Variants in AP2B1 observed in about 807,000 individuals in gnomAD.
The protein encoded by AP2B1 is AP-2 complex subunit beta.
AP2B1 carries 23 observed loss-of-function variants against 102.0 expected under a neutral mutation model. That is an observed-to-expected ratio of 0.23 (90% CI 0.16 to 0.32). AP2B1 has a LOEUF of 0.32. AP2B1 is among the 10% of genes least tolerant of loss of function. AP2B1 has a pLI of 1.00. For missense variants in AP2B1, 541 were observed against 1,157.4 expected (o/e 0.47, Z 7.73); for synonymous variants, 381 against 421.2 (o/e 0.90, Z 1.17).
chr17:35,632,156 T>C (rs1430123121), intron 9 of AP2B1, among the ~76,000 whole-genome samples: 1 of 151,166 alleles, frequency 6.6e-6, no homozygotes, highest in African/African-American at 2.4e-5. Context: ...GGTGGGGAAA[T>C]GGAGTCTTGA....
At chr17:35,597,126 G>T in intron 2 of AP2B1, 1 of 510,364 alleles carries the variant, frequency 2.0e-6, no homozygotes, top group South Asian at 1.9e-5. Context: ...TCCGGAAGCG[G>T]AGACTGTCCC....
Position 35,624,737 on chromosome 17 carries a change from A to T in AP2B1, c.716+150A>T, listed in dbSNP as rs111831737. On this transcript the variant is annotated intron_variant, in intron 6 of 21. Coordinates refer to ENST00000610402, the MANE Select transcript of AP2B1 (RefSeq NM_001030006.2). Reference sequence around the variant, plus strand: ...GGGTATTTTCTCTCTGGATTTAGGAATATTTTAGGTGGTAGAATAAACTAT... The same window carrying T: ...GGGTATTTTCTCTCTGGATTTAGGATTATTTTAGGTGGTAGAATAAACTAT... The T allele has an allele frequency of 8.3e-3, 5,394 of 652,226 alleles. 41 individuals carry two copies. Among genetic ancestry groups the T allele is most frequent in the Non-Finnish European group, 0.01 (4,168 of 397,330 alleles). 40.4% of individuals were successfully genotyped at this position (652,226 alleles called of 1,614,324 possible). A position where few individuals can be genotyped will look rare whatever the true frequency, so the allele number is the denominator to read the frequency against.
At chr17:35,674,877 G>A (rs3785763) in intron 17 of AP2B1, among the ~76,000 whole-genome samples, 5,076 of 152,288 alleles carry the variant, frequency 0.033, 203 homozygotes, top group East Asian at 0.14. Flanking sequence ...TGGATTCTAG[G>A]ATTAGAACGT....
intron 17 of AP2B1, among the ~76,000 whole-genome samples, chr17:35,679,131 G>A (rs1004075320): frequency 7.2e-5 from 11 of 152,176 alleles, no homozygotes; most frequent in African/African-American, 2.7e-4. Context: ...CTAGCTATTA[G>A]TAGACTTCTA....
At chr17:35,596,896 ACT>A in intron 2 of AP2B1, 2 of 703,488 alleles carry the variant, frequency 2.8e-6, no homozygotes, top group Non-Finnish European at 5.3e-6. Flanking sequence ...GATCCATGTC[ACT>A]CTGCATGAAG....
At chr17:35,722,729 G>C (rs1228021805) in intron 21 of AP2B1, among the ~76,000 whole-genome samples, 1 of 152,076 alleles carries the variant, frequency 6.6e-6, no homozygotes, top group African/African-American at 2.4e-5. Context: ...ATTAACAAGA[G>C]GAATGATGTC....
chr17:35,628,016 A>G (rs1402300884), intron 9 of AP2B1, among the ~76,000 whole-genome samples: 4 of 152,220 alleles, frequency 2.6e-5, no homozygotes, highest in African/African-American at 4.8e-5. Flanking sequence ...CTGCGGATCA[A>G]AAATATTCAG....
chr17:35,675,128 C>A (rs960667017), intron 17 of AP2B1, among the ~76,000 whole-genome samples: 10 of 152,220 alleles, frequency 6.6e-5, no homozygotes, highest in African/African-American at 1.7e-4. Flanking sequence ...GCAATGAATT[C>A]TCTGCCTTAA....
At chr17:35,656,651 T>C (rs1234981482) in intron 13 of AP2B1, among the ~76,000 whole-genome samples, 1 of 151,990 alleles carries the variant, frequency 6.6e-6, no homozygotes, top group African/African-American at 2.4e-5. Context: ...ATCCCAGCAC[T>C]TTGGGAGGCT....
intron 7 of AP2B1, 58 bp from the exon 8 acceptor site, chr17:35,627,327 A>G: frequency 6.4e-7 from 1 of 1,550,664 alleles, no homozygotes; most frequent in Non-Finnish European, 8.7e-7. Flanking sequence ...ATACAGTCTC[A>G]GAAGGGTATA....
chr17:35,657,714 C>T lies in AP2B1; in HGVS notation c.1912C>T (p.Pro638Ser). The T allele has an allele frequency of 6.2e-7, 1 of 1,614,138 alleles. No individual in the cohort carries two copies. Among genetic ancestry groups the T allele is most frequent in the Non-Finnish European group, 8.5e-7 (1 of 1,180,010 alleles). Residue 638 changes from proline to serine, a missense_variant, in exon 14 of 22, where the codon CCC (proline) becomes TCC (serine). Transcript: ENST00000610402. ...LGDLLNLDLG[P>S]PVNVPQVSSM... ...GGATCTTTTAAACCTTGACCTCGGT[C>T]CCCCAGTCAATGTGCCACAGGTGTC... is the stretch of plus-strand genomic sequence containing the variant.
intron 4 of AP2B1, among the ~76,000 whole-genome samples, 187 bp downstream of exon 4, chr17:35,606,027 G>T (rs1401204244): frequency 6.6e-6 from 1 of 152,152 alleles, no homozygotes; most frequent in African/African-American, 2.4e-5. Context: ...AGTGGGGCTT[G>T]GTGCATCCTT....
At chr17:35,685,833 G>T (rs896255239) in intron 18 of AP2B1, among the ~76,000 whole-genome samples, 2 of 151,900 alleles carry the variant, frequency 1.3e-5, no homozygotes, top group Non-Finnish European at 1.5e-5. Flanking sequence ...TGCAATCTTG[G>T]CTCACTGCAA....
chr17:35,661,434 C>A (rs9911836), intron 14 of AP2B1, among the ~76,000 whole-genome samples: 19,256 of 152,154 alleles, frequency 0.13, 1,273 homozygotes, highest in Middle Eastern at 0.16. Flanking sequence ...TAAGCCAAGA[C>A]AGTGACCGCC....
intron 2 of AP2B1, among the ~76,000 whole-genome samples, chr17:35,596,161 T>C (rs1195354721): frequency 1.3e-5 from 2 of 152,222 alleles, no homozygotes; most frequent in Non-Finnish European, 2.9e-5. Flanking sequence ...TAATTTCTGT[T>C]ACATCCTGCT....
At chr17:35,610,434 A>G (rs2073823739) in intron 5 of AP2B1, among the ~76,000 whole-genome samples, 1 of 150,904 alleles carries the variant, frequency 6.6e-6, no homozygotes, top group Non-Finnish European at 1.5e-5. Flanking sequence ...GGCATGAGCC[A>G]TCACACCCAG....
chr17:35,706,930 G>A (rs1340176151), intron 18 of AP2B1, among the ~76,000 whole-genome samples: 1 of 152,026 alleles, frequency 6.6e-6, no homozygotes, highest in Non-Finnish European at 1.5e-5. Flanking sequence ...GGGCTTACAG[G>A]CATGAGCCAC....
intron 21 of AP2B1, among the ~76,000 whole-genome samples, chr17:35,719,371 A>AT (rs2143013025): frequency 6.6e-6 from 1 of 152,022 alleles, no homozygotes; most frequent in Non-Finnish European, 1.5e-5. Context: ...AAAAAAAAAA[A>AT]CTTCCTCTTG....
chr17:35,601,327 GT>G (rs1249586400), intron 3 of AP2B1, among the ~76,000 whole-genome samples: 1 of 152,090 alleles, frequency 6.6e-6, no homozygotes, highest in East Asian at 1.9e-4. Flanking sequence ...CATCAGATTT[GT>G]TTTATTTATT....
Sources: allele counts gnomAD v4.1 joint callset (sites outside exome capture counted in the v4.1 genomes callset), GRCh38; gene constraint gnomAD v4.1.1; transcripts MANE v1.5; gene names NCBI Gene and HGNC (gene_info 2026-07-23, HGNC 2026-07-21).